Variants in STARD9 observed in about 807,000 individuals in gnomAD.
STARD9 encodes the protein StAR related lipid transfer domain containing 9, also known as stAR-related lipid transfer protein 9.
STARD9 carries 346 observed loss-of-function variants against 399.8 expected under a neutral mutation model. That is an observed-to-expected ratio of 0.87 (90% CI 0.79 to 0.95). STARD9 has a LOEUF of 0.95. Ranked by LOEUF, STARD9 falls within the 40% of genes least tolerant of loss-of-function variation. STARD9 has a pLI of 0.00. For synonymous variants in STARD9, 2,203 were observed against 2,143.5 expected, an observed-to-expected ratio of 1.03 and a Z score of -0.77; for missense variants, 5,832 against 5,667.5, an observed-to-expected ratio of 1.03 and a Z score of -0.93.
intron 3 of STARD9, among the ~76,000 whole-genome samples, chr15:42,617,685 C>T (rs1220081245): frequency 6.6e-6 from 1 of 152,150 alleles, no homozygotes; most frequent in Non-Finnish European, 1.5e-5. Flanking sequence ...GTTTATTGTA[C>T]TACCATTTGA....
At chr15:42,638,628 G>A (rs1048707720) in intron 6 of STARD9, 72 bp from the exon 7 acceptor site, 1 of 1,092,696 alleles carries the variant, frequency 9.2e-7, no homozygotes, top group African/African-American at 1.6e-5. Flanking sequence ...AAGACCTCCT[G>A]ATTTTTAGCT....
chr15:42,715,951 C>CTGCCTCTGTCTGTGACAGCAGGTG (rs1240026259), intron 26 of STARD9, among the ~76,000 whole-genome samples: 1 of 152,148 alleles, frequency 6.6e-6, no homozygotes. Context: ...AAGCCAGAGG[C>CTGCCTCTGTCTGTGACAGCAGGTG]AGAAGGGCCT....
Position 42,637,901 on chromosome 15 carries a change from C to T in STARD9, c.352-6C>T, listed in dbSNP as rs532001983. 3 of 1,537,190 alleles carry T rather than the reference C, an allele frequency of 2.0e-6. No homozygotes were observed. The highest frequency in any genetic ancestry group is 2.4e-5 in the East Asian group (1 of 40,914). ...CAATAATGCTTTCCTTTCTTCTGTT[C>T]ACCAGGCCTCTGTTGGGTTGACACC... On this transcript the variant is annotated splice_polypyrimidine_tract_variant and splice_region_variant and intron_variant, in intron 4 of 32. Coordinates refer to ENST00000290607, the MANE Select transcript of STARD9 (RefSeq NM_020759.3).
rs1185925822 is a variant in STARD9 at position 42,638,058 on chromosome 15, A to G, written c.417A>G (p.Ser139=). ...TCGTCAGGGAGAAAGACTGTGCCTC[A>G]CTGCCTTCCTCCTGTAGGATAAAAG... ...GLFVREKDCA[S]LPSSCRIKVS... Residue 139 remains serine, a synonymous_variant, in exon 6 of 33, where the codon TCA becomes TCG. Transcript: ENST00000290607. 1.3e-6 allele frequency: 2 copies of G among 1,537,318 alleles called. No individual in the cohort carries two copies. The highest frequency in any genetic ancestry group is 2.0e-5 in the Admixed American group (1 of 50,982).
Position 42,677,696 on chromosome 15 carries a change from G to A in STARD9, c.1874+1721G>A, listed in dbSNP as rs528339791. Among the ~76,000 whole-genome samples the A allele has an allele frequency of 2.0e-5, 3 of 152,292 alleles. No individual in the cohort carries two copies. The South Asian group carries it at 6.2e-4, about 32-fold the overall frequency. On this transcript the variant is annotated intron_variant, in intron 20 of 32. Coordinates refer to ENST00000290607, the MANE Select transcript of STARD9 (RefSeq NM_020759.3). ...ACTGCAGAAAAGCTGTGTGACCTTA[G>A]GCAAGTCAATGAACCTCTGAGCCTG...
chr15:42,695,074 C>G (rs1433933819), intron 24 of STARD9, 66 bp from the exon 25 acceptor site: 1 of 1,327,484 alleles, frequency 7.5e-7, no homozygotes, highest in East Asian at 2.5e-5. Flanking sequence ...CCAAGCTAGC[C>G]TTGGATGGAC....
At chr15:42,605,377 A>G (rs1252015508) in intron 3 of STARD9, among the ~76,000 whole-genome samples, 1 of 152,216 alleles carries the variant, frequency 6.6e-6, no homozygotes, top group Non-Finnish European at 1.5e-5. Context: ...TGAACACAAT[A>G]GAAGCCTGAA....
chr15:42,647,244 A>G (rs1299434368), intron 7 of STARD9, among the ~76,000 whole-genome samples: 1 of 152,194 alleles, frequency 6.6e-6, no homozygotes, highest in Non-Finnish European at 1.5e-5. Context: ...TTTATATATT[A>G]CTATTTATCA....
rs1278885262 is a variant in STARD9 at position 42,691,173 on chromosome 15, CAT to C, written c.9597_9598del (p.Thr3200LeufsTer35). Reference protein sequence around the residue: ...SQAKFVARLKHTCSPQEDSPW... With the variant: ...SQAKFVARLKXTCSPQEDSPW... ...AGCCAAGTTTGTAGCAAGGTTAAAA[CAT>C]ACCTGCAGCCCCCAGGAAGACAGTC... On this transcript the variant is annotated frameshift_variant, in exon 23 of 33. Coordinates refer to ENST00000290607, the MANE Select transcript of STARD9 (RefSeq NM_020759.3). LOFTEE classifies it high-confidence loss of function. 2 of 1,537,152 alleles carry C rather than the reference CAT, an allele frequency of 1.3e-6. No homozygotes were observed. The highest frequency in any genetic ancestry group is 1.7e-6 in the Non-Finnish European group (2 of 1,146,906).
chr15:42,600,526 C>CTTT (rs796979908), intron 3 of STARD9, among the ~76,000 whole-genome samples: 3 of 139,514 alleles, frequency 2.2e-5, no homozygotes, highest in African/African-American at 5.2e-5. Context: ...TTCTTTCTTT[C>CTTT]TTTTTTTTTT....
chr15:42,656,327 TAAAAAAAAAAAAAAAAAAAA>T lies in STARD9; in HGVS notation c.702+3756_702+3775del, dbSNP rs869264641. On this transcript the variant is annotated intron_variant, in intron 9 of 32. Transcript: ENST00000290607. Reference sequence around the variant, plus strand: ...ATGCCACTGCACTCCAGCCATCTCCTAAAAAAAAAAAAAAAAAAAAAAAAAAAAAAAAAAAAAAAAGATGT... The same window carrying T: ...ATGCCACTGCACTCCAGCCATCTCCTAAAAAAAAAAAAAAAAAAAAGATGT... 2.9e-3 allele frequency among the ~76,000 whole-genome samples: 104 copies of T among 35,340 alleles called. 2 individuals carry two copies. Among genetic ancestry groups the T allele is most frequent in the South Asian group, 0.015 (18 of 1,206 alleles). 23.2% of individuals were successfully genotyped at this position (35,340 alleles called of 152,430 possible). A position where few individuals can be genotyped will look rare whatever the true frequency, so the allele number is the denominator to read the frequency against.
intron 26 of STARD9, among the ~76,000 whole-genome samples, chr15:42,711,249 C>T (rs1279911527): frequency 1.3e-5 from 2 of 151,990 alleles, no homozygotes; most frequent in Non-Finnish European, 2.9e-5. Context: ...AAGCAATTCT[C>T]CTGCCTCAGC....
At chr15:42,680,142 ATGACAGGGATGAAGATACCC>A in intron 20 of STARD9, among the ~76,000 whole-genome samples, 1 of 152,126 alleles carries the variant, frequency 6.6e-6, no homozygotes, top group East Asian at 1.9e-4. Flanking sequence ...AAAAACCTAA[ATGACAGGGATGAAGATACCC>A]TGCAGAAAAA....
rs544630033 is a variant in STARD9, at chr15:42,674,221, C to G, written c.1498-219C>G. Among the ~76,000 whole-genome samples the G allele has an allele frequency of 1.3e-4, 20 of 152,298 alleles. No individual in the cohort carries two copies. In the South Asian group the frequency reaches 4.1e-3, roughly 32 times the overall value. On this transcript the variant is annotated intron_variant, in intron 16 of 32. Transcript: ENST00000290607. ...CTGCTTTGTGGTATATTTTTTAGCT[C>G]TACCATCTCAGGGGCTTCCTGGGCT...
At chr15:42,597,178 C>G (rs2058524360) in intron 3 of STARD9, among the ~76,000 whole-genome samples, 1 of 152,056 alleles carries the variant, frequency 6.6e-6, no homozygotes, top group Non-Finnish European at 1.5e-5. Context: ...TCACTTTAGC[C>G]TCAACTTCCC....
intron 4 of STARD9, among the ~76,000 whole-genome samples, chr15:42,636,965 G>T (rs1486432845): frequency 6.6e-6 from 1 of 151,760 alleles, no homozygotes; most frequent in Non-Finnish European, 1.5e-5. Flanking sequence ...TTGGGAAGCT[G>T]AGGCAGGAGA....
chr15:42,698,124 G>A (rs1171143486), intron 26 of STARD9, among the ~76,000 whole-genome samples: 3 of 152,172 alleles, frequency 2.0e-5, no homozygotes, highest in East Asian at 1.9e-4. Flanking sequence ...CCATTGTAGA[G>A]TTGCACCGTC....
intron 15 of STARD9, among the ~76,000 whole-genome samples, chr15:42,666,683 G>C (rs530803046): frequency 1.3e-5 from 2 of 152,200 alleles, no homozygotes; most frequent in African/African-American, 2.4e-5. Context: ...TTGTATGCAG[G>C]ATGAATTGAA....
intron 7 of STARD9, among the ~76,000 whole-genome samples, chr15:42,641,572 T>G (rs999495924): frequency 1.4e-5 from 2 of 144,872 alleles, no homozygotes; most frequent in Admixed American, 1.4e-4. Context: ...AGTGTTCTCA[T>G]TGTTCAATTC....
Sources: gnomAD v4.1 joint callset for allele counts (sites outside exome capture counted in the v4.1 genomes callset) on GRCh38, gnomAD v4.1.1 for gene constraint, MANE v1.5 for transcripts, NCBI Gene and HGNC (gene_info 2026-07-23, HGNC 2026-07-21) for gene names.